Variants in NEGR1 observed in about 807,000 individuals in gnomAD.
The protein encoded by NEGR1 is neuronal growth regulator 1.
In NEGR1, 10 loss-of-function variants were observed where a neutral mutation model predicts 40.9. That is an observed-to-expected ratio of 0.24 (90% CI 0.15 to 0.42). The LOEUF (loss-of-function observed/expected upper bound fraction) is 0.42, where lower values mean the gene tolerates loss of function less well. Ranked by LOEUF, NEGR1 falls within the 10% of genes least tolerant of loss-of-function variation. The pLI, the probability that NEGR1 is intolerant of heterozygous loss-of-function variation, is 1.00. For missense variants in NEGR1, 352 were observed against 438.9 expected (o/e 0.80, Z 1.77); for synonymous variants, 185 against 166.8 (o/e 1.11, Z -0.84).
chr1:71,895,713 T>G (rs1158788082), intron 2 of NEGR1, among the ~76,000 whole-genome samples: 1 of 152,224 alleles, frequency 6.6e-6, no homozygotes, highest in Non-Finnish European at 1.5e-5. Context: ...AACACTTGGA[T>G]TGTTTTCACT....
intron 1 of NEGR1, among the ~76,000 whole-genome samples, chr1:72,174,776 A>T (rs566275712): frequency 5.3e-5 from 8 of 152,170 alleles, no homozygotes; most frequent in East Asian, 1.9e-4. Flanking sequence ...TTTAAAAAAA[A>T]TTTTCGGCTT....
chr1:71,793,633 T>C (rs1458886118), intron 2 of NEGR1, among the ~76,000 whole-genome samples: 1 of 152,032 alleles, frequency 6.6e-6, no homozygotes, highest in African/African-American at 2.4e-5. Flanking sequence ...AGAAAAGCAA[T>C]TTCACTTATA....
chr1:71,814,857 A>G (rs1351887558), intron 2 of NEGR1, among the ~76,000 whole-genome samples: 1 of 152,056 alleles, frequency 6.6e-6, no homozygotes, highest in East Asian at 1.9e-4. Flanking sequence ...TCAAAAAACT[A>G]GCTCCTGGCT....
chr1:72,048,266 A>G (rs892984234), intron 1 of NEGR1, among the ~76,000 whole-genome samples: 4 of 151,592 alleles, frequency 2.6e-5, no homozygotes, highest in Non-Finnish European at 5.9e-5. Context: ...AACTAACATT[A>G]CCTTACAGAA....
intron 1 of NEGR1, among the ~76,000 whole-genome samples, chr1:72,125,179 T>C (rs1034422416): frequency 4.6e-5 from 7 of 152,016 alleles, no homozygotes; most frequent in Non-Finnish European, 5.9e-5. Flanking sequence ...TCATTCAAAG[T>C]TCGTATCTAT....
chr1:72,135,501 T>C (rs1253231218), intron 1 of NEGR1, among the ~76,000 whole-genome samples: 4 of 147,134 alleles, frequency 2.7e-5, no homozygotes, highest in Non-Finnish European at 4.5e-5. Context: ...CTCTGGGAGA[T>C]GGAAAACAAA....
chr1:71,448,158 T>G (rs1646596163), intron 6 of NEGR1, among the ~76,000 whole-genome samples: 1 of 151,266 alleles, frequency 6.6e-6, no homozygotes. Flanking sequence ...CTTTGGTCAG[T>G]GTTAAAAGGA....
At chr1:71,759,596 CTTT>C (rs71074804) in intron 3 of NEGR1, among the ~76,000 whole-genome samples, 4 of 31,956 alleles carry the variant, frequency 1.3e-4, no homozygotes, top group African/African-American at 3.7e-4. Context: ...TGCGTCCAGG[CTTT>C]TTTTTTTTTT....
intron 1 of NEGR1, among the ~76,000 whole-genome samples, chr1:72,247,633 A>G (rs1244193303): frequency 6.6e-6 from 1 of 152,146 alleles, no homozygotes. Flanking sequence ...TATTTCTATC[A>G]GCATTTTGGT....
intron 4 of NEGR1, among the ~76,000 whole-genome samples, chr1:71,663,890 T>C (rs1043315072): frequency 2.0e-5 from 3 of 152,332 alleles, no homozygotes; most frequent in Middle Eastern, 3.4e-3. Flanking sequence ...GACTTCTCTC[T>C]TGAAAAGGTA....
chr1:71,931,470 T>C (rs1011707046), intron 2 of NEGR1, among the ~76,000 whole-genome samples: 2 of 142,562 alleles, frequency 1.4e-5, no homozygotes, highest in Non-Finnish European at 1.5e-5. Context: ...CTCATATTTT[T>C]GGGGGCTGAG....
Position 71,659,974 on chromosome 1 carries a change from G to C in NEGR1, c.667+38034C>G, listed in dbSNP as rs551919098. Reference sequence around the variant, plus strand: ...ATTCGACCCAGTAATCCCATTACTGGGTATATACCCAGAAGAATATAAATC... The same window carrying C: ...ATTCGACCCAGTAATCCCATTACTGCGTATATACCCAGAAGAATATAAATC... On this transcript the variant is annotated intron_variant, in intron 4 of 6. Transcript: ENST00000357731. 1.0e-3 allele frequency among the ~76,000 whole-genome samples: 158 copies of C among 151,990 alleles called. 1 individual carries two copies. The highest frequency in any genetic ancestry group is 3.7e-3 in the African/African-American group (155 of 41,442).
Position 71,928,486 on chromosome 1 carries a change from G to GTATATATACACACA in NEGR1, c.409+6592_409+6593insTGTGTGTATATATA, listed in dbSNP as rs1557439473. Among the ~76,000 whole-genome samples the GTATATATACACACA allele has an allele frequency of 1.2e-4, 15 of 127,134 alleles. No individual in the cohort carries two copies. In the Admixed American group the frequency reaches 1.2e-3, roughly 10 times the overall value. The allele number at this position is 127,134 out of a possible 152,430, so 83.4% of individuals were successfully genotyped here. A position where few individuals can be genotyped will look rare whatever the true frequency, so the allele number is the denominator to read the frequency against. ...CATACTTATATATACACATATATAT[G>GTATATATACACACA]TATATATACACATATGTATACATGT... On this transcript the variant is annotated intron_variant, in intron 2 of 6. Coordinates refer to ENST00000357731, the MANE Select transcript of NEGR1 (RefSeq NM_173808.3).
intron 1 of NEGR1, among the ~76,000 whole-genome samples, chr1:72,077,883 A>C (rs1647818610): frequency 6.6e-6 from 1 of 152,186 alleles, no homozygotes; most frequent in Non-Finnish European, 1.5e-5. Flanking sequence ...AATTACCTGA[A>C]AAGAACAGTC....
chr1:72,078,597 G>T (rs943355823), intron 1 of NEGR1, among the ~76,000 whole-genome samples: 1 of 147,402 alleles, frequency 6.8e-6, no homozygotes, highest in Non-Finnish European at 1.5e-5. Context: ...ATAAATATAT[G>T]TATATTAATT....
intron 6 of NEGR1, among the ~76,000 whole-genome samples, chr1:71,524,544 A>G (rs116339129): frequency 0.012 from 1,805 of 151,838 alleles, 22 homozygotes; most frequent in Non-Finnish European, 0.016. Flanking sequence ...GAAAAATTCA[A>G]GGAGGCTTGG....
Position 72,063,080 on chromosome 1 carries a change from T to G in NEGR1, c.177-127769A>C, listed in dbSNP as rs571934046. On this transcript the variant is annotated intron_variant, in intron 1 of 6. Coordinates refer to ENST00000357731, the MANE Select transcript of NEGR1 (RefSeq NM_173808.3). ...TCTCGAATAGATTATGATATAGTATTTATTTTGAAAAAAAATCTGTTCAGT... is the reference window on the plus strand; with the variant it reads ...TCTCGAATAGATTATGATATAGTATGTATTTTGAAAAAAAATCTGTTCAGT... Among the ~76,000 whole-genome samples the G allele has an allele frequency of 2.0e-5, 3 of 151,550 alleles. No individual in the cohort carries two copies. The South Asian group carries it at 6.2e-4, about 31-fold the overall frequency.
intron 4 of NEGR1, among the ~76,000 whole-genome samples, chr1:71,631,513 A>G (rs1650968068): frequency 6.6e-6 from 1 of 151,782 alleles, no homozygotes; most frequent in Non-Finnish European, 1.5e-5. Flanking sequence ...CTTAGATGTT[A>G]TTTCTTTGGC....
intron 6 of NEGR1, among the ~76,000 whole-genome samples, chr1:71,414,737 G>A (rs1452047347): frequency 6.6e-6 from 1 of 152,074 alleles, no homozygotes; most frequent in Non-Finnish European, 1.5e-5. Context: ...TCTCCCCCTC[G>A]ACTTTAGGGT....
Sources: allele counts gnomAD v4.1 joint callset (sites outside exome capture counted in the v4.1 genomes callset), GRCh38; gene constraint gnomAD v4.1.1; transcripts MANE v1.5; gene names NCBI Gene and HGNC (gene_info 2026-07-23, HGNC 2026-07-21).